The following CDK5RAP2 variants were observed in gnomAD, a reference collection of about 807,000 sequenced individuals.
CDK5RAP2 encodes the protein CDK5 regulatory subunit-associated protein 2.
A neutral mutation model predicts 232.9 loss-of-function variants in CDK5RAP2; 147 were observed. The ratio of observed to expected loss-of-function variants is 0.63; its 90% confidence interval spans 0.55 to 0.72. The LOEUF (loss-of-function observed/expected upper bound fraction) is 0.72, where lower values mean the gene tolerates loss of function less well. Among genes scored for constraint, CDK5RAP2 ranks in the 30% least tolerant of loss-of-function variants. CDK5RAP2 has a pLI of 0.00. For missense variants in CDK5RAP2, 2,195 were observed against 2,231.5 expected (o/e 0.98, Z 0.33); for synonymous variants, 833 against 833.7 (o/e 1.00, Z 0.01).
intron 23 of CDK5RAP2, among the ~76,000 whole-genome samples, chr9:120,442,347 C>T (rs932203580): frequency 1.3e-5 from 2 of 152,138 alleles, no homozygotes; most frequent in African/African-American, 4.8e-5. Context: ...AGTTCTTAAC[C>T]CTCAATGTGA....
At chr9:120,567,921 G>C (rs1363834113) in intron 3 of CDK5RAP2, among the ~76,000 whole-genome samples, 1 of 152,082 alleles carries the variant, frequency 6.6e-6, no homozygotes, top group African/African-American at 2.4e-5. Flanking sequence ...ATATCTCAAA[G>C]GTTGCAGTGA....
In CDK5RAP2 at chr9:120,471,966, T is replaced by C. The variant is rs1272857775; in HGVS notation, c.1728-88A>G. On this transcript the variant is annotated intron_variant, in intron 15 of 37. Transcript: ENST00000349780. ...CCAGAAAGCCTTCCTGTGATTTTTA[T>C]GTCATTTGTGTTTTTTTCTGGTTAT... The C allele has an allele frequency of 2.0e-6, 3 of 1,535,352 alleles. No individual in the cohort carries two copies. The African/African-American group carries it at 4.1e-5, about 21-fold the overall frequency.
Position 120,504,070 on chromosome 9 carries a change from C to T in CDK5RAP2, c.1312-12593G>A, listed in dbSNP as rs374009292. ...CCAGAGTTCTCAAAGGAGTTATACA[C>T]AACAATAGCAGAATGGGGAATCAAA... On this transcript the variant is annotated intron_variant, in intron 12 of 37. Transcript: ENST00000349780. Among the ~76,000 whole-genome samples, 7 of 152,276 alleles carry T rather than the reference C, an allele frequency of 4.6e-5. No homozygotes were observed. In the East Asian group the frequency reaches 9.7e-4, roughly 21 times the overall value.
At chr9:120,430,571 C>T (rs2035219866) in intron 25 of CDK5RAP2, among the ~76,000 whole-genome samples, 1 of 152,194 alleles carries the variant, frequency 6.6e-6, no homozygotes, top group Non-Finnish European at 1.5e-5. Context: ...GATACCATCT[C>T]ACACCAGTTA....
chr9:120,461,799 C>T (rs1344010076), intron 18 of CDK5RAP2, among the ~76,000 whole-genome samples: 3 of 152,324 alleles, frequency 2.0e-5, no homozygotes, highest in East Asian at 3.9e-4. Flanking sequence ...GCCGTGATCA[C>T]ACCACTGCAC....
At chr9:120,391,022 G>A (rs970475672) in intron 36 of CDK5RAP2, among the ~76,000 whole-genome samples, 1 of 152,122 alleles carries the variant, frequency 6.6e-6, no homozygotes, top group Non-Finnish European at 1.5e-5. Context: ...CAAAGTTCCT[G>A]ACATGGGGCC....
intron 3 of CDK5RAP2, among the ~76,000 whole-genome samples, chr9:120,563,986 C>G (rs557008009): frequency 6.6e-6 from 1 of 152,266 alleles, no homozygotes; most frequent in Non-Finnish European, 1.5e-5. Flanking sequence ...GATAAGGAGA[C>G]CAGGTGTGGA....
Position 120,527,859 on chromosome 9 carries a change from T to G in CDK5RAP2, c.946A>C (p.Arg316=), listed in dbSNP as rs751915140. The G allele has an allele frequency of 9.3e-6, 15 of 1,613,852 alleles. No individual in the cohort carries two copies. In the East Asian group the frequency reaches 3.3e-4, roughly 36 times the overall value. ...IATEKKNSLK[R]DKAIQGLTMA... is the part of the protein sequence containing the mutation. ...GTTAAACCCTGAATGGCTTTATCCC[T>G]CTTTAGACTATTTTTCTTCTCTGTA... The change falls in exon 10 of 38, where the codon AGG becomes CGG. Residue 316 remains arginine, a synonymous_variant. Transcript: ENST00000349780.
At chr9:120,529,673 T>C (rs556659809) in intron 8 of CDK5RAP2, among the ~76,000 whole-genome samples, 13 of 152,280 alleles carry the variant, frequency 8.5e-5, no homozygotes, top group Admixed American at 8.5e-4. Flanking sequence ...AACTGTATCC[T>C]AAGAAAACCC....
rs77527033 is a variant in CDK5RAP2, at chr9:120,566,542, T to A, written c.195+1779A>T. ...CAGAGTGGAAAAAAATAACAGTAAT[T>A]ATAACAATAACAGTAAGAAAAGGAA... On this transcript the variant is annotated intron_variant, in intron 3 of 37. Coordinates refer to ENST00000349780, the MANE Select transcript of CDK5RAP2 (RefSeq NM_018249.6). 6.1e-3 allele frequency among the ~76,000 whole-genome samples: 922 copies of A among 152,204 alleles called. 9 individuals carry two copies. The highest frequency in any genetic ancestry group is 0.021 in the African/African-American group (857 of 41,522).
chr9:120,519,460 T>C (rs2040520930), intron 11 of CDK5RAP2, among the ~76,000 whole-genome samples: 1 of 152,066 alleles, frequency 6.6e-6, no homozygotes, highest in African/African-American at 2.4e-5. Context: ...CAAAACAACC[T>C]TGACAAATAG....
intron 11 of CDK5RAP2, 83 bp downstream of exon 11, chr9:120,524,903 C>A (rs1270458306): frequency 1.0e-6 from 1 of 962,816 alleles, no homozygotes; most frequent in African/African-American, 1.6e-5. Flanking sequence ...TTAAAATCAC[C>A]CAAGTTCTTT....
At chr9:120,499,688 G>T (rs2039484719) in intron 12 of CDK5RAP2, among the ~76,000 whole-genome samples, 1 of 152,108 alleles carries the variant, frequency 6.6e-6, no homozygotes, top group African/African-American at 2.4e-5. Context: ...GAGAAGGAAA[G>T]AAAGGGTTTT....
rs564830421 is a variant in CDK5RAP2, at chr9:120,564,239, A to G, written c.195+4082T>C. Among the ~76,000 whole-genome samples the G allele has an allele frequency of 7.9e-4, 121 of 152,296 alleles. 1 individual carries two copies. The highest frequency in any genetic ancestry group is 2.1e-3 in the African/African-American group (89 of 41,572). On this transcript the variant is annotated intron_variant, in intron 3 of 37. Transcript: ENST00000349780. ...TTCCAGCACTTTGGGAGGCCAAGGC[A>G]GGCGGATCACAAGGTCAGGAGATCA...
At position 120,402,886 on chromosome 9, in the gene CDK5RAP2, G is replaced by A. The variant is rs587783392; in HGVS notation, c.5227C>T (p.Gln1743Ter). Residue 1743 changes from glutamine to a stop codon, truncating the protein, a stop_gained, in exon 34 of 38, where the codon CAG (glutamine) becomes TAG (stop). Transcript: ENST00000349780. LOFTEE classifies it high-confidence loss of function. ...DYEALLKQIS[Q>*]GQRLLAEMDI... ...ATTTCAGCAAGGAGCCTCTGTCCCT[G>A]GCTGATCTGTTTGAGCAGGGCCTCA... is the stretch of plus-strand genomic sequence containing the variant. The A allele has an allele frequency of 2.5e-6, 4 of 1,614,012 alleles. No homozygotes were observed. The highest frequency in any genetic ancestry group is 3.3e-5 in the Admixed American group (2 of 60,002).
intron 13 of CDK5RAP2, among the ~76,000 whole-genome samples, chr9:120,488,493 C>G (rs1352701697): frequency 1.3e-5 from 2 of 152,146 alleles, no homozygotes; most frequent in Non-Finnish European, 2.9e-5. Context: ...CTCTTCTCAC[C>G]TCTCAAATCC....
intron 12 of CDK5RAP2, among the ~76,000 whole-genome samples, chr9:120,494,132 TCTG>T (rs1451046296): frequency 2.7e-5 from 4 of 149,698 alleles, no homozygotes; most frequent in Non-Finnish European, 4.4e-5. Flanking sequence ...GAGAATGAAC[TCTG>T]CTATCAGTCT....
At chr9:120,538,972 A>G (rs2041511659) in intron 6 of CDK5RAP2, 69 bp downstream of exon 6, 3 of 1,545,156 alleles carry the variant, frequency 1.9e-6, no homozygotes, top group South Asian at 1.1e-5. Flanking sequence ...AAAAAAAGAA[A>G]CAAAACTGTG....
At chr9:120,530,224 A>G (rs2041088841) in intron 7 of CDK5RAP2, 84 bp from the exon 8 acceptor site, 7 of 980,666 alleles carry the variant, frequency 7.1e-6, no homozygotes, top group South Asian at 1.4e-5. Flanking sequence ...ATGGGGCCAG[A>G]TATCTTCAAA....
Sources: gnomAD v4.1 joint callset for allele counts (sites outside exome capture counted in the v4.1 genomes callset) on GRCh38, gnomAD v4.1.1 for gene constraint, MANE v1.5 for transcripts, NCBI Gene and HGNC (gene_info 2026-07-23, HGNC 2026-07-21) for gene names.